RNF180: variants seen among roughly 807,000 people sequenced by gnomAD.
The protein encoded by RNF180 is ring finger protein 180, also known as E3 ubiquitin-protein ligase RNF180.
Under a neutral mutation model 59.2 loss-of-function variants are expected in RNF180, and 38 were observed. The ratio of observed to expected loss-of-function variants is 0.64; its 90% CI spans 0.50 to 0.84. The LOEUF is 0.84. RNF180 is among the 40% of genes least tolerant of loss of function. The pLI is 0.00. For synonymous variants in RNF180, 262 were observed against 240.3 expected (o/e 1.09, Z -0.84); for missense variants, 705 against 700.9 (o/e 1.01, Z -0.07).
intron 7 of RNF180, among the ~76,000 whole-genome samples, chr5:64,353,623 A>C: frequency 6.6e-6 from 1 of 151,962 alleles, no homozygotes; most frequent in Non-Finnish European, 1.5e-5. Context: ...CCTAATGTCA[A>C]GTATTATAGC....
chr5:64,249,350 A>G (rs1018406146), intron 5 of RNF180, among the ~76,000 whole-genome samples: 2 of 152,230 alleles, frequency 1.3e-5, no homozygotes, highest in African/African-American at 4.8e-5. Flanking sequence ...GGGAGTTTCC[A>G]TAAGGCTAGC....
chr5:64,288,515 TC>T (rs1442993546), intron 5 of RNF180, among the ~76,000 whole-genome samples: 1 of 152,242 alleles, frequency 6.6e-6, no homozygotes, highest in Non-Finnish European at 1.5e-5. Context: ...ATATGATTCT[TC>T]CTATCCATGA....
chr5:64,279,803 C>A (rs541211516), intron 5 of RNF180, among the ~76,000 whole-genome samples: 3 of 152,154 alleles, frequency 2.0e-5, no homozygotes, highest in East Asian at 3.9e-4. Flanking sequence ...AAAATATAGT[C>A]CATTTTTGGC....
chr5:64,276,302 G>A lies in RNF180; in HGVS notation c.1228-48884G>A, dbSNP rs1305950216. On this transcript the variant is annotated intron_variant, in intron 5 of 7. Transcript: ENST00000389100. ...GAAGGGTCATGGATAACCAGAACTG[G>A]GAACAAAAAATACATTGGTGTGTGT... is the stretch of plus-strand genomic sequence containing the variant. Among the ~76,000 whole-genome samples the A allele has an allele frequency of 2.1e-5, 3 of 145,072 alleles. No individual in the cohort carries two copies. The East Asian group carries it at 6.0e-4, about 29-fold the overall frequency.
At chr5:64,301,968 TA>T (rs1743183530) in intron 5 of RNF180, among the ~76,000 whole-genome samples, 1 of 151,764 alleles carries the variant, frequency 6.6e-6, no homozygotes, top group South Asian at 2.1e-4. Flanking sequence ...TATACACTCT[TA>T]ATATGTTTTT....
intron 5 of RNF180, among the ~76,000 whole-genome samples, chr5:64,309,291 T>G (rs1305125568): frequency 6.6e-6 from 1 of 151,714 alleles, no homozygotes; most frequent in Non-Finnish European, 1.5e-5. Context: ...ACCTACTATA[T>G]TAGCATAATT....
At chr5:64,353,673 G>A (rs945942617) in intron 7 of RNF180, among the ~76,000 whole-genome samples, 2 of 151,668 alleles carry the variant, frequency 1.3e-5, no homozygotes, top group African/African-American at 4.8e-5. Context: ...GTAAATCTGT[G>A]TTTACTTTTG....
intron 5 of RNF180, among the ~76,000 whole-genome samples, chr5:64,280,119 T>G (rs752351111): frequency 2.0e-5 from 3 of 152,222 alleles, no homozygotes; most frequent in Non-Finnish European, 4.4e-5. Context: ...GCCATGTGTA[T>G]GTCTTCTTTT....
intron 5 of RNF180, among the ~76,000 whole-genome samples, chr5:64,225,397 T>G (rs1246518527): frequency 2.7e-5 from 4 of 148,904 alleles, no homozygotes; most frequent in Non-Finnish European, 6.0e-5. Context: ...GGAGCGCCTC[T>G]GCCTGGCCGC....
intron 5 of RNF180, among the ~76,000 whole-genome samples, chr5:64,257,085 G>A (rs1014639291): frequency 6.6e-6 from 1 of 152,154 alleles, no homozygotes; most frequent in African/African-American, 2.4e-5. Flanking sequence ...TTGCTTATCA[G>A]CTTAAGGAGA....
intron 5 of RNF180, among the ~76,000 whole-genome samples, chr5:64,268,944 C>T (rs894994520): frequency 6.6e-6 from 1 of 151,866 alleles, no homozygotes. Flanking sequence ...ATCAGGAAAC[C>T]CCCAACCCTC....
intron 5 of RNF180, among the ~76,000 whole-genome samples, chr5:64,287,568 CCA>C (rs1015048701): frequency 6.6e-6 from 1 of 152,184 alleles, no homozygotes; most frequent in African/African-American, 2.4e-5. Context: ...TCCTCTTTCT[CCA>C]CAACCTTGCC....
intron 5 of RNF180, among the ~76,000 whole-genome samples, chr5:64,294,274 A>G (rs567117734): frequency 1.3e-5 from 2 of 152,346 alleles, no homozygotes; most frequent in South Asian, 4.1e-4. Flanking sequence ...TAAATGCTTG[A>G]GGGGATGGAT....
intron 5 of RNF180, among the ~76,000 whole-genome samples, chr5:64,223,948 T>C (rs1344616484): frequency 1.3e-5 from 2 of 152,112 alleles, no homozygotes; most frequent in Non-Finnish European, 2.9e-5. Context: ...GCAGTTTACT[T>C]AATATGGGAT....
chr5:64,351,017 G>A (rs1405836644), intron 7 of RNF180, among the ~76,000 whole-genome samples: 4 of 151,630 alleles, frequency 2.6e-5, no homozygotes, highest in East Asian at 3.9e-4. Context: ...CCATTTTCAC[G>A]ATATTGATTC....
chr5:64,200,133 C>G (rs1399708958), intron 1 of RNF180, among the ~76,000 whole-genome samples: 2 of 152,030 alleles, frequency 1.3e-5, no homozygotes, highest in Non-Finnish European at 2.9e-5. Flanking sequence ...TGTCATGACT[C>G]TTTAAAACCA....
intron 5 of RNF180, among the ~76,000 whole-genome samples, chr5:64,291,416 C>CT (rs1207692101): frequency 0.028 from 2,016 of 71,844 alleles, 326 homozygotes; most frequent in African/African-American, 0.084. Flanking sequence ...AGTATGTTTT[C>CT]TTTTTTTTTT....
chr5:64,348,489 TAGG>T (rs1169719097), intron 7 of RNF180, among the ~76,000 whole-genome samples: 1 of 152,106 alleles, frequency 6.6e-6, no homozygotes, highest in African/African-American at 2.4e-5. Context: ...GGTGGCCATA[TAGG>T]AGATTTTTCA....
intron 7 of RNF180, among the ~76,000 whole-genome samples, chr5:64,340,915 C>T (rs1745330666): frequency 6.6e-6 from 1 of 151,798 alleles, no homozygotes; most frequent in Admixed American, 6.6e-5. Flanking sequence ...CTCTCCTTTC[C>T]TCCCTCCCTC....
Sources: gnomAD v4.1 joint callset for allele counts (sites outside exome capture counted in the v4.1 genomes callset) on GRCh38, gnomAD v4.1.1 for gene constraint, MANE v1.5 for transcripts, NCBI Gene and HGNC (gene_info 2026-07-23, HGNC 2026-07-21) for gene names.